The following MYOF variants were observed in gnomAD, a reference collection of about 807,000 sequenced individuals.
MYOF encodes fer-1-like 3, myoferlin.
MYOF carries 244 observed loss-of-function variants against 284.2 expected under a neutral mutation model. The ratio of observed to expected loss-of-function variants is 0.86; its 90% CI spans 0.77 to 0.95. MYOF has a LOEUF of 0.95. Ranked by LOEUF, MYOF falls within the 40% of genes least tolerant of loss-of-function variation. The probability of loss-of-function intolerance (pLI) is 0.00; values close to 1 mark genes in which losing one functional copy is unlikely to be tolerated. For synonymous variants in MYOF, 904 were observed against 919.7 expected, an observed-to-expected ratio of 0.98 and a Z score of 0.31; for missense variants, 2,496 against 2,560.6, an observed-to-expected ratio of 0.97 and a Z score of 0.54.
At position 93,335,943 on chromosome 10, in the gene MYOF, G is replaced by C; in HGVS notation, c.4541C>G (p.Pro1514Arg). 1 of 1,614,166 alleles carries C rather than the reference G, an allele frequency of 6.2e-7. No individual in the cohort carries two copies. The highest frequency in any genetic ancestry group is 8.5e-7 in the Non-Finnish European group (1 of 1,180,026). Residue 1514 changes from proline to arginine, a missense_variant, in exon 41 of 54, where the codon CCT becomes CGT. Coordinates refer to ENST00000359263, the MANE Select transcript of MYOF (RefSeq NM_013451.4). The part of the protein sequence containing the change: ...YRGKSDENED[P>R]SVVGEFKGSF... ...CACCTTAAACTCTCCAACCACAGAAGGATCTTCATTTTCATCCGACTTGCC... is the reference window on the plus strand; with the variant it reads ...CACCTTAAACTCTCCAACCACAGAACGATCTTCATTTTCATCCGACTTGCC...
At chr10:93,442,729 A>T (rs1315013797) in intron 3 of MYOF, among the ~76,000 whole-genome samples, 1 of 152,246 alleles carries the variant, frequency 6.6e-6, no homozygotes, top group African/African-American at 2.4e-5. Context: ...ATTCTGAGAC[A>T]GATAATTATG....
In MYOF at chr10:93,351,694, T is replaced by C; in HGVS notation, c.3634A>G (p.Ile1212Val). The change falls in exon 33 of 54, where the codon ATC (isoleucine) becomes GTC (valine). Residue 1212 changes from isoleucine (I) to valine (V), a missense_variant. Ile to Val is a conservative substitution (Grantham distance 29, BLOSUM62 3). This residue lies in a region of MYOF where 2,436 missense variants were observed against 2,480.7 expected (regional missense o/e 0.98). Coordinates refer to ENST00000359263, the MANE Select transcript of MYOF (RefSeq NM_013451.4). The part of the protein sequence containing the change: ...QTVLQNPPKV[I>V]MELFDNDQVG... ...TGGTCATTGTCAAAAAGTTCCATGA[T>C]AACTTTGGGTGGATTCTGTAGAACT... 1 of 1,587,942 alleles carries C rather than the reference T, an allele frequency of 6.3e-7. No homozygotes were observed. The highest frequency in any genetic ancestry group is 8.5e-7 in the Non-Finnish European group (1 of 1,169,858).
In MYOF at chr10:93,430,158, T is replaced by A. The variant is rs541605321; in HGVS notation, c.345+1250A>T. On this transcript the variant is annotated intron_variant, in intron 4 of 53. Coordinates refer to ENST00000359263, the MANE Select transcript of MYOF (RefSeq NM_013451.4). ...ACCATGTTAGCCAGGATGGTCTGGA[T>A]CTCCTGACCTCAAGATCCGCCCGCC... 1.8e-4 allele frequency among the ~76,000 whole-genome samples: 28 copies of A among 151,740 alleles called. No individual in the cohort carries two copies. The East Asian group carries it at 5.3e-3, about 29-fold the overall frequency.
rs1352627439 is a variant in MYOF, at chr10:93,425,992, G to T, written c.433+79C>A. ...GCTACAGGCTTGTGATCAATGGCAGGGTTTCTCCAGACACTCTCCTGTGTG... is the reference window on the plus strand; with the variant it reads ...GCTACAGGCTTGTGATCAATGGCAGTGTTTCTCCAGACACTCTCCTGTGTG... On this transcript the variant is annotated intron_variant, in intron 5 of 53. Transcript: ENST00000359263. 3 of 1,408,730 alleles carry T rather than the reference G, an allele frequency of 2.1e-6. No individual in the cohort carries two copies. In the African/African-American group the frequency reaches 4.3e-5, roughly 20 times the overall value. The allele number at this position is 1,408,730 out of a possible 1,614,324, so 87.3% of individuals were successfully genotyped here. A position where few individuals can be genotyped will look rare whatever the true frequency, so the allele number is the denominator to read the frequency against.
At chr10:93,479,051 T>C (rs1208612081) in intron 1 of MYOF, among the ~76,000 whole-genome samples, 1 of 151,966 alleles carries the variant, frequency 6.6e-6, no homozygotes, top group Non-Finnish European at 1.5e-5. Flanking sequence ...TGCCCTGACT[T>C]TGTTTATTTA....
Position 93,401,431 on chromosome 10 carries a change from CTCAGCTCGGTAGATT to C in MYOF, c.1089_1103del (p.Ile364_Glu368del). Reference sequence around the variant, plus strand: ...ATCAGTACATACTCTGGGGGATGTCCTCAGCTCGGTAGATTTTCAGCAAGAAGGTCACCCACCGGA... The same window carrying C: ...ATCAGTACATACTCTGGGGGATGTCCTTCAGCAAGAAGGTCACCCACCGGA... On this transcript the variant is annotated inframe_deletion, in exon 12 of 54. Coordinates refer to ENST00000359263, the MANE Select transcript of MYOF (RefSeq NM_013451.4). 1.2e-6 allele frequency: 2 copies of C among 1,614,124 alleles called. No homozygotes were observed. The highest frequency in any genetic ancestry group is 1.7e-6 in the Non-Finnish European group (2 of 1,180,020).
intron 28 of MYOF, among the ~76,000 whole-genome samples, chr10:93,360,979 C>G (rs1344284671): frequency 6.6e-6 from 1 of 152,202 alleles, no homozygotes; most frequent in African/African-American, 2.4e-5. Flanking sequence ...ACTTGCCTTT[C>G]CCTTGGATTC....
Position 93,379,808 on chromosome 10 carries a change from A to C in MYOF, c.2001+55T>G, listed in dbSNP as rs1846026795. 10 of 1,605,484 alleles carry C rather than the reference A, an allele frequency of 6.2e-6. No individual in the cohort carries two copies. The South Asian group carries it at 1.1e-4, about 18-fold the overall frequency. ...GTTATAGTGGCCTGGCCTCCATCCT[A>C]ATACCTAATTCACCCTGCTTGGTGA... On this transcript the variant is annotated intron_variant, in intron 21 of 53. Transcript: ENST00000359263.
chr10:93,421,686 A>T lies in MYOF; in HGVS notation c.433+4385T>A, dbSNP rs1195155668. Among the ~76,000 whole-genome samples, 4 of 152,114 alleles carry T rather than the reference A, an allele frequency of 2.6e-5. No homozygotes were observed. In the South Asian group the frequency reaches 6.2e-4, roughly 24 times the overall value. On this transcript the variant is annotated intron_variant, in intron 5 of 53. Coordinates refer to ENST00000359263, the MANE Select transcript of MYOF (RefSeq NM_013451.4). Reference sequence around the variant, plus strand: ...TCTCTCATTTTCCTCCTCTCTGATCATGTGATGCTGGCTCCCCTTCCCCTT... The same window carrying T: ...TCTCTCATTTTCCTCCTCTCTGATCTTGTGATGCTGGCTCCCCTTCCCCTT...
At chr10:93,420,412 A>AG (rs1315892419) in intron 5 of MYOF, among the ~76,000 whole-genome samples, 7 of 152,180 alleles carry the variant, frequency 4.6e-5, no homozygotes, top group African/African-American at 9.7e-5. Flanking sequence ...ACAGTCTTCC[A>AG]GGGGGGTCAG....
At chr10:93,417,032 C>A (rs1177477662) in intron 5 of MYOF, among the ~76,000 whole-genome samples, 1 of 152,222 alleles carries the variant, frequency 6.6e-6, no homozygotes, top group South Asian at 2.1e-4. Flanking sequence ...CCTACTGTCA[C>A]ACAGCTTGAT....
At chr10:93,363,413 C>A (rs775846802) in intron 27 of MYOF, among the ~76,000 whole-genome samples, 5 of 152,224 alleles carry the variant, frequency 3.3e-5, no homozygotes, top group Non-Finnish European at 7.3e-5. Context: ...TGCCTATAAT[C>A]CCAGCACTTT....
At chr10:93,478,098 G>GCATTTT (rs2057305189) in intron 1 of MYOF, 2 of 218,758 alleles carry the variant, frequency 9.1e-6, no homozygotes, top group African/African-American at 4.7e-5. Flanking sequence ...CTTCTGGGTT[G>GCATTTT]TTTATCTTAT....
rs1842493656 is a variant in MYOF, at chr10:93,313,771, C to T, written c.5699-561G>A. Among the ~76,000 whole-genome samples the T allele has an allele frequency of 2.0e-5, 3 of 152,050 alleles. No individual in the cohort carries two copies. The South Asian group carries it at 6.2e-4, about 32-fold the overall frequency. Reference sequence around the variant, plus strand: ...TAAAAATTAGCCGGGCACGATGGCACACATCCGTAATCCCAGCTACTCAAG... The same window carrying T: ...TAAAAATTAGCCGGGCACGATGGCATACATCCGTAATCCCAGCTACTCAAG... On this transcript the variant is annotated intron_variant, in intron 50 of 53. Coordinates refer to ENST00000359263, the MANE Select transcript of MYOF (RefSeq NM_013451.4).
intron 3 of MYOF, among the ~76,000 whole-genome samples, chr10:93,451,187 A>G (rs541423602): frequency 6.6e-6 from 1 of 152,254 alleles, no homozygotes; most frequent in South Asian, 2.1e-4. Context: ...TAAAAATATA[A>G]AAGTTAGCTG....
intron 3 of MYOF, among the ~76,000 whole-genome samples, chr10:93,442,899 C>T (rs965756976): frequency 6.6e-6 from 1 of 152,180 alleles, no homozygotes. Flanking sequence ...TGGCTTATGC[C>T]TGTAATCCCA....
At chr10:93,442,401 T>C (rs117481388) in intron 3 of MYOF, among the ~76,000 whole-genome samples, 4 of 152,312 alleles carry the variant, frequency 2.6e-5, no homozygotes, top group Non-Finnish European at 5.9e-5. Context: ...GTCCCCATTA[T>C]AAAGATTAAG....
At position 93,351,246 on chromosome 10, in the gene MYOF, T is replaced by C. The variant is rs767782533; in HGVS notation, c.3872A>G (p.Tyr1291Cys). The C allele has an allele frequency of 8.1e-6, 13 of 1,614,084 alleles. No individual in the cohort carries two copies. The African/African-American group carries it at 1.7e-4, about 22-fold the overall frequency. The change falls in exon 35 of 54, where the codon TAC (tyrosine) becomes TGC (cysteine). Residue 1291 changes from tyrosine (Y) to cysteine (C), a missense_variant. Physicochemically the swap from Tyr to Cys is radical, Grantham distance 194. Around this residue, in one of 3 missense-constraint regions of MYOF, gnomAD observed 2,436 missense variants for 2,480.7 expected, o/e 0.98. Coordinates refer to ENST00000359263, the MANE Select transcript of MYOF (RefSeq NM_013451.4). ...AGGCCTGATCCCCTGGGGGACCATG[T>C]ATAGATTTGGCGCCCTTTGAGGGGG... Reference protein sequence around the residue: ...ILPPQRAPNLYMVPQGIRPVV... With the variant: ...ILPPQRAPNLCMVPQGIRPVV...
At chr10:93,387,334 G>A (rs528261110) in intron 19 of MYOF, among the ~76,000 whole-genome samples, 31 of 152,310 alleles carry the variant, frequency 2.0e-4, no homozygotes, top group Admixed American at 1.1e-3. Flanking sequence ...CACAGGCATC[G>A]ACCTGGATTC....
Sources: allele counts gnomAD v4.1 joint callset (sites outside exome capture counted in the v4.1 genomes callset), GRCh38; gene constraint gnomAD v4.1.1; regional missense constraint gnomAD v4.1.1; transcripts MANE v1.5; gene names NCBI Gene and HGNC (gene_info 2026-07-23, HGNC 2026-07-21).